The following RARRES1 variants were observed in gnomAD, a reference collection of about 807,000 sequenced individuals.
The protein encoded by RARRES1 is retinoic acid receptor responder 1.
RARRES1 carries 34 observed loss-of-function variants against 30.6 expected under a neutral mutation model. The ratio of observed to expected loss-of-function variants is 1.11; its 90% confidence interval spans 0.84 to 1.48. The LOEUF is 1.48. Among genes scored for constraint, RARRES1 ranks in the 40% most tolerant of loss-of-function variants. The pLI is 0.00. For synonymous variants in RARRES1, 153 were observed against 155.5 expected, an observed-to-expected ratio of 0.98 and a Z score of 0.12; for missense variants, 373 against 386.5, an observed-to-expected ratio of 0.97 and a Z score of 0.29.
Position 158,697,985 on chromosome 3 carries a change from AAG to A in RARRES1, c.673-17_673-16del, listed in dbSNP as rs1726602344. On this transcript the variant is annotated splice_polypyrimidine_tract_variant and intron_variant, in intron 4 of 5. Transcript: ENST00000237696. ...TCATTAGTTTTCTAGAGGGAGAAAA[AAG>A]AGTTAGTGTAATAAATATGGTGGTA... 6 of 1,473,986 alleles carry A rather than the reference AAG, an allele frequency of 4.1e-6. No individual in the cohort carries two copies. Among genetic ancestry groups the A allele is most frequent in the African/African-American group, 2.8e-5 (2 of 71,678 alleles). 91.3% of individuals were successfully genotyped at this position (1,473,986 alleles called of 1,614,324 possible).
intron 1 of RARRES1, among the ~76,000 whole-genome samples, chr3:158,718,011 C>T (rs571380031): frequency 1.4e-5 from 2 of 146,274 alleles, no homozygotes; most frequent in Middle Eastern, 3.9e-3. Flanking sequence ...CAGAGTCTTG[C>T]TCTGTCGCCC....
At chr3:158,730,765 CTTTATTATTTTATTTTAT>C (rs1053059493) in intron 1 of RARRES1, among the ~76,000 whole-genome samples, 1 of 151,082 alleles carries the variant, frequency 6.6e-6, no homozygotes, top group Non-Finnish European at 1.5e-5. Flanking sequence ...TTGCCTTTTT[CTTTATTATTTTATTTTAT>C]TTTATTTATT....
intron 1 of RARRES1, among the ~76,000 whole-genome samples, chr3:158,721,207 T>G (rs536002517): frequency 7.6e-4 from 116 of 152,256 alleles, no homozygotes; most frequent in Non-Finnish European, 1.5e-3. Flanking sequence ...GTTAGCAGAT[T>G]AAGTCAGGGT....
intron 1 of RARRES1, among the ~76,000 whole-genome samples, chr3:158,726,238 A>G (rs1024018241): frequency 6.6e-6 from 1 of 152,190 alleles, no homozygotes; most frequent in Non-Finnish European, 1.5e-5. Context: ...CTCCTGAATC[A>G]CCTCAAAATT....
rs35475848 is a variant in RARRES1 at position 158,710,904 on chromosome 3, C to T, written c.369G>A (p.Leu123=). Residue 123 remains leucine (L), a synonymous_variant, in exon 3 of 6, where the codon TTG becomes TTA. Coordinates refer to ENST00000237696, the MANE Select transcript of RARRES1 (RefSeq NM_206963.2). ...ESLLQEGEGR[L]GKCSARVFFK... ...AAAACACTCGAGCAGAACATTTCCC[C>T]AAACGTCCCTCACCTTCCTGAAGTA... 1.0e-3 allele frequency: 1,661 copies of T among 1,613,974 alleles called. 9 individuals carry two copies. In the African/African-American group the frequency reaches 0.018, roughly 17 times the overall value.
chr3:158,698,037 AT>A, intron 4 of RARRES1, 67 bp from the exon 5 acceptor site: 1 of 1,165,584 alleles, frequency 8.6e-7, no homozygotes, highest in South Asian at 1.5e-5. Context: ...TATACAATAC[AT>A]TCTTGTTTTG....
At chr3:158,708,606 A>G (rs971776820) in intron 3 of RARRES1, among the ~76,000 whole-genome samples, 1 of 152,232 alleles carries the variant, frequency 6.6e-6, no homozygotes, top group Admixed American at 6.5e-5. Context: ...CTTCTCACTT[A>G]CCCATTGTAC....
chr3:158,697,788 C>G lies in RARRES1; in HGVS notation c.775G>C (p.Gly259Arg). 1 of 1,611,572 alleles carries G rather than the reference C, an allele frequency of 6.2e-7. No individual in the cohort carries two copies. The highest frequency in any genetic ancestry group is 8.5e-7 in the Non-Finnish European group (1 of 1,177,766). The change falls in exon 6 of 6, where the codon GGC (glycine) becomes CGC (arginine). Residue 259 changes from glycine (G) to arginine (R), a missense_variant. Physicochemically the swap from Gly to Arg is moderately radical, Grantham distance 125. Transcript: ENST00000237696. ...PCRIHLVWYP[G>R]KPLKVKYHCQ... ...TGGTACTTCACTTTAAGAGGTTTGC[C>G]AGGGTACCAGACCAAGTGAATGCGA... is the stretch of plus-strand genomic sequence containing the variant.
chr3:158,722,475 T>G (rs1228208128), intron 1 of RARRES1, among the ~76,000 whole-genome samples: 4 of 152,172 alleles, frequency 2.6e-5, no homozygotes, highest in African/African-American at 9.7e-5. Flanking sequence ...TTTTCCAATA[T>G]TTGAAAGATT....
intron 4 of RARRES1, among the ~76,000 whole-genome samples, chr3:158,699,291 A>G (rs1020161709): frequency 6.6e-6 from 1 of 152,096 alleles, no homozygotes; most frequent in African/African-American, 2.4e-5. Flanking sequence ...TTCTTCCCCT[A>G]AGCTAGCTTT....
At chr3:158,699,893 C>T (rs1726670471) in intron 4 of RARRES1, among the ~76,000 whole-genome samples, 1 of 152,094 alleles carries the variant, frequency 6.6e-6, no homozygotes, top group South Asian at 2.1e-4. Context: ...CTTGTTAGAC[C>T]TTCATTTGGT....
chr3:158,732,145 C>T lies in RARRES1; in HGVS notation c.271G>A (p.Ala91Thr), dbSNP rs1335993807. ...RVLAEVQEGRAWINPKEGCKV... is the reference protein window; with the variant it reads ...RVLAEVQEGRTWINPKEGCKV... ...GCGCGTCGCTCCGCACTCACCCACG[C>T]GCGGCCCTCCTGCACCTCGGCCAGC... is the stretch of plus-strand genomic sequence containing the variant. The change falls in exon 1 of 6, where the codon GCG (alanine) becomes ACG (threonine). Residue 91 changes from alanine to threonine, a missense_variant. Ala to Thr is a moderately conservative substitution (Grantham distance 58, BLOSUM62 0). Coordinates refer to ENST00000237696, the MANE Select transcript of RARRES1 (RefSeq NM_206963.2). 7.2e-7 allele frequency: 1 copy of T among 1,379,770 alleles called. No individual in the cohort carries two copies. The highest frequency in any genetic ancestry group is 9.3e-7 in the Non-Finnish European group (1 of 1,074,388). 85.5% of individuals were successfully genotyped at this position (1,379,770 alleles called of 1,614,324 possible).
In RARRES1 at chr3:158,732,365, G is replaced by A; in HGVS notation, c.51C>T (p.Gly17=). The change falls in exon 1 of 6, where the codon GGC becomes GGT. Residue 17 remains glycine, a synonymous_variant. Coordinates refer to ENST00000237696, the MANE Select transcript of RARRES1 (RefSeq NM_206963.2). ...RLPAPWSGPR[G]PRPTAPLLAL... ...CGAGCAGCGGGGCGGTGGGGCGCGGGCCCCTGGGCCCGGACCAGGGAGCAG... is the reference window on the plus strand; with the variant it reads ...CGAGCAGCGGGGCGGTGGGGCGCGGACCCCTGGGCCCGGACCAGGGAGCAG... The A allele has an allele frequency of 6.8e-7, 1 of 1,469,722 alleles. No homozygotes were observed. The highest frequency in any genetic ancestry group is 1.3e-5 in the South Asian group (1 of 77,606). The allele number at this position is 1,469,722 out of a possible 1,614,324, so 91.0% of individuals were successfully genotyped here.
At chr3:158,710,973 C>T (rs762419922) in intron 2 of RARRES1, 40 bp from the exon 3 acceptor site, 22 of 1,542,556 alleles carry the variant, frequency 1.4e-5, no homozygotes, top group Non-Finnish European at 1.7e-5. Flanking sequence ...CTCCCACTCA[C>T]CCCAGTGCAC....
chr3:158,702,395 G>A lies in RARRES1; in HGVS notation c.672+2396C>T, dbSNP rs909379992. On this transcript the variant is annotated intron_variant, in intron 4 of 5. Coordinates refer to ENST00000237696, the MANE Select transcript of RARRES1 (RefSeq NM_206963.2). ...GTATGTCCTCGCTTTCGTACGTGCA[G>A]TTTGGTTGAGAGATGTTAGTGGACA... 8.5e-5 allele frequency among the ~76,000 whole-genome samples: 13 copies of A among 152,180 alleles called. No homozygotes were observed. The South Asian group carries it at 1.0e-3, about 12-fold the overall frequency.
chr3:158,704,581 C>T lies in RARRES1; in HGVS notation c.672+210G>A, dbSNP rs955064632. On this transcript the variant is annotated intron_variant, in intron 4 of 5. Coordinates refer to ENST00000237696, the MANE Select transcript of RARRES1 (RefSeq NM_206963.2). ...TATCTTCTCTCACTAGAATTAATCT[C>T]AATGAGGGCAGCAACATTGTGTCTT... The T allele has an allele frequency of 8.2e-6, 5 of 606,406 alleles. No individual in the cohort carries two copies. The African/African-American group carries it at 9.5e-5, about 12-fold the overall frequency. The allele number at this position is 606,406 out of a possible 1,614,324, so 37.6% of individuals were successfully genotyped here.
chr3:158,713,798 T>C lies in RARRES1; in HGVS notation c.338A>G (p.Glu113Gly), dbSNP rs1576815732. The change falls in exon 2 of 6, where the codon GAG becomes GGG. Residue 113 changes from glutamate (E) to glycine (G), a missense_variant and splice_region_variant. Coordinates refer to ENST00000237696, the MANE Select transcript of RARRES1 (RefSeq NM_206963.2). ...ACTTTGCCAATTGTGGCAGCTTACC[T>C]CTGGGTTGTAGCGCTCTGTGCTGAA... ...VVFSTERYNPESLLQEGEGRL... is the reference protein window; with the variant it reads ...VVFSTERYNPGSLLQEGEGRL... 6.2e-7 allele frequency: 1 copy of C among 1,612,388 alleles called. No individual in the cohort carries two copies. The highest frequency in any genetic ancestry group is 8.5e-7 in the Non-Finnish European group (1 of 1,179,348).
rs1462938126 is a variant in RARRES1 at position 158,696,928 on chromosome 3, A to G, written c.*750T>C. 1 of 152,226 alleles carries G rather than the reference A, an allele frequency of 6.6e-6. No individual in the cohort carries two copies. Among genetic ancestry groups the G allele is most frequent in the Admixed American group, 6.5e-5 (1 of 15,276 alleles). 9.4% of individuals were successfully genotyped at this position (152,226 alleles called of 1,614,324 possible). A position where few individuals can be genotyped will look rare whatever the true frequency, so the allele number is the denominator to read the frequency against. On this transcript the variant is annotated 3_prime_UTR_variant, in exon 6 of 6. Coordinates refer to ENST00000237696, the MANE Select transcript of RARRES1 (RefSeq NM_206963.2). ...AATGAAAATTGTAAATATTTAATAT[A>G]CTTTCAGTTACATCAGTGTTTCTTT...
chr3:158,729,695 G>A (rs990666596), intron 1 of RARRES1, among the ~76,000 whole-genome samples: 2 of 151,956 alleles, frequency 1.3e-5, no homozygotes, highest in African/African-American at 4.8e-5. Flanking sequence ...CTTGTAATCT[G>A]CCCACCTCGG....
Sources: allele counts gnomAD v4.1 joint callset (sites outside exome capture counted in the v4.1 genomes callset), GRCh38; gene constraint gnomAD v4.1.1; transcripts MANE v1.5; gene names NCBI Gene and HGNC (gene_info 2026-07-23, HGNC 2026-07-21).